The following VTI1A variants were observed in gnomAD, a reference collection of about 807,000 sequenced individuals.
The protein encoded by VTI1A is vesicle transport through interaction with t-SNAREs 1A, also known as vesicle transport through interaction with t-SNAREs homolog 1A.
A neutral mutation model predicts 34.9 loss-of-function variants in VTI1A; 22 were observed. The ratio of observed to expected loss-of-function variants is 0.63; its 90% confidence interval spans 0.45 to 0.90. VTI1A has a LOEUF of 0.90. Among genes scored for constraint, VTI1A ranks in the 40% least tolerant of loss-of-function variants. The pLI is 0.00. For missense variants in VTI1A, 268 were observed against 275.6 expected (o/e 0.97, Z 0.20); for synonymous variants, 87 against 97.3 (o/e 0.89, Z 0.62).
chr10:112,466,238 G>C (rs953925230), intron 3 of VTI1A, among the ~76,000 whole-genome samples: 1 of 152,154 alleles, frequency 6.6e-6, no homozygotes, highest in Admixed American at 6.5e-5. Flanking sequence ...CTAGGCTACC[G>C]TATACCTTTC....
chr10:112,460,089 A>T (rs768198753), intron 1 of VTI1A, among the ~76,000 whole-genome samples: 1 of 152,176 alleles, frequency 6.6e-6, no homozygotes, highest in Non-Finnish European at 1.5e-5. Context: ...TGAAAGTACA[A>T]TTTTTTAAAG....
intron 5 of VTI1A, among the ~76,000 whole-genome samples, chr10:112,546,116 G>T (rs138600616): frequency 1.7e-5 from 2 of 118,904 alleles, no homozygotes; most frequent in East Asian, 4.9e-4. Context: ...GTATACACGT[G>T]TGTGTGTATT....
intron 7 of VTI1A, among the ~76,000 whole-genome samples, chr10:112,695,734 A>G (rs1202672028): frequency 1.3e-5 from 2 of 152,100 alleles, no homozygotes; most frequent in Non-Finnish European, 2.9e-5. Flanking sequence ...GCTTGCCCAC[A>G]CCCAAGCAGC....
At chr10:112,766,807 C>A (rs1851663157) in intron 7 of VTI1A, among the ~76,000 whole-genome samples, 1 of 152,146 alleles carries the variant, frequency 6.6e-6, no homozygotes, top group South Asian at 2.1e-4. Flanking sequence ...CATAGGTATT[C>A]TAAGTATTTA....
chr10:112,518,547 TTCTCTCTCTC>T (rs57853028), intron 3 of VTI1A, among the ~76,000 whole-genome samples: 18,358 of 101,010 alleles, frequency 0.18, 1,679 homozygotes, highest in East Asian at 0.34. Context: ...TCATATCTCT[TTCTCTCTCTC>T]TCTCTCTCTC....
chr10:112,676,770 G>T (rs1848046533), intron 7 of VTI1A, among the ~76,000 whole-genome samples: 1 of 152,164 alleles, frequency 6.6e-6, no homozygotes, highest in Admixed American at 6.6e-5. Context: ...CAGAAATGTA[G>T]ATCAAACTGG....
At chr10:112,736,926 G>A in intron 7 of VTI1A, 1 of 643,218 alleles carries the variant, frequency 1.6e-6, no homozygotes, top group East Asian at 2.7e-5. Flanking sequence ...TACTTGGCAA[G>A]GATGCTATCA....
At chr10:112,849,431 A>G in the VTI1A span, among the ~76,000 whole-genome samples, 144 of 152,228 alleles carry the variant, frequency 9.5e-4, no homozygotes, top group African/African-American at 3.1e-3. Context: ...GCCTGGGGCA[A>G]CCTCGCTCCT....
rs192762013 is a variant in VTI1A at position 112,733,932 on chromosome 10, A to G, written c.560+64934A>G. Reference sequence around the variant, plus strand: ...CACACCCAGCTAATTTTGTATTTTTAGTAGAGACAGGGTTTCACCATGTTG... The same window carrying G: ...CACACCCAGCTAATTTTGTATTTTTGGTAGAGACAGGGTTTCACCATGTTG... On this transcript the variant is annotated intron_variant, in intron 7 of 7. Transcript: ENST00000393077. Among the ~76,000 whole-genome samples, 381 of 151,904 alleles carry G rather than the reference A, an allele frequency of 2.5e-3. 3 individuals carry two copies. The highest frequency in any genetic ancestry group is 8.8e-3 in the African/African-American group (363 of 41,396).
chr10:112,725,756 T>C (rs1018589591), intron 7 of VTI1A, among the ~76,000 whole-genome samples: 9 of 152,232 alleles, frequency 5.9e-5, no homozygotes, highest in African/African-American at 1.9e-4. Flanking sequence ...GATTATTGAA[T>C]GGCACCAGCA....
rs550205463 is a variant in VTI1A, at chr10:112,816,462, T to C, written c.*1079T>C. 4.5e-6 allele frequency: 1 copy of C among 224,352 alleles called. No homozygotes were observed. The highest frequency in any genetic ancestry group is 8.9e-6 in the Non-Finnish European group (1 of 112,538). 13.9% of individuals were successfully genotyped at this position (224,352 alleles called of 1,614,324 possible). A position where few individuals can be genotyped will look rare whatever the true frequency, so the allele number is the denominator to read the frequency against. On this transcript the variant is annotated 3_prime_UTR_variant, in exon 8 of 8. Coordinates refer to ENST00000393077, the MANE Select transcript of VTI1A (RefSeq NM_145206.4). ...ATTGTTCCAAAAGGAATGGCTTGGG[T>C]TTTTAACTAACAAATGTTAGCAAGC...
chr10:112,478,582 C>T (rs114986411), intron 3 of VTI1A, among the ~76,000 whole-genome samples: 14 of 152,300 alleles, frequency 9.2e-5, no homozygotes, highest in African/African-American at 3.4e-4. Flanking sequence ...TCTTCCATCT[C>T]ATTCTTGAAT....
chr10:112,448,077 T>A (rs1198679133), intron 1 of VTI1A, among the ~76,000 whole-genome samples: 1 of 152,212 alleles, frequency 6.6e-6, no homozygotes. Context: ...TTAAACAGAC[T>A]TCTTAGTCTC....
At chr10:112,481,939 TA>T (rs1251362470) in intron 3 of VTI1A, among the ~76,000 whole-genome samples, 1 of 152,232 alleles carries the variant, frequency 6.6e-6, no homozygotes, top group Non-Finnish European at 1.5e-5. Flanking sequence ...GTATCTTGTT[TA>T]GGGGGAAAAT....
intron 4 of VTI1A, among the ~76,000 whole-genome samples, chr10:112,537,829 G>T (rs887833178): frequency 6.6e-6 from 1 of 152,084 alleles, no homozygotes; most frequent in African/African-American, 2.4e-5. Context: ...ATTTCTATCT[G>T]CAAGAATCAA....
intron 5 of VTI1A, among the ~76,000 whole-genome samples, chr10:112,658,238 C>T (rs771882369): frequency 4.6e-5 from 7 of 152,064 alleles, no homozygotes; most frequent in Non-Finnish European, 1.0e-4. Context: ...CAGGCATGCC[C>T]CACCACGCCC....
chr10:112,519,143 C>T (rs1323284170), intron 3 of VTI1A, among the ~76,000 whole-genome samples: 1 of 151,954 alleles, frequency 6.6e-6, no homozygotes, highest in African/African-American at 2.4e-5. Flanking sequence ...AAGTAAGTAC[C>T]AGGAAAATAG....
chr10:112,482,733 T>C (rs1448670599), intron 3 of VTI1A, among the ~76,000 whole-genome samples: 1 of 152,238 alleles, frequency 6.6e-6, no homozygotes, highest in Non-Finnish European at 1.5e-5. Flanking sequence ...TATGAGCAGT[T>C]GTATTTCTTG....
At chr10:112,702,571 C>T (rs902153902) in intron 7 of VTI1A, among the ~76,000 whole-genome samples, 46 of 152,052 alleles carry the variant, frequency 3.0e-4, no homozygotes, top group Admixed American at 1.7e-3. Context: ...AGGCGTGTGC[C>T]ACCACACCCA....
Sources: allele counts gnomAD v4.1 joint callset (sites outside exome capture counted in the v4.1 genomes callset), GRCh38; gene constraint gnomAD v4.1.1; transcripts MANE v1.5; gene names NCBI Gene and HGNC (gene_info 2026-07-23, HGNC 2026-07-21).